The following ALG13 variants were observed in gnomAD, a reference collection of about 807,000 sequenced individuals.
The protein encoded by ALG13 is ALG13 UDP-N-acetylglucosaminyltransferase subunit, also known as UDP-N-acetylglucosamine transferase subunit ALG13.
A neutral mutation model predicts 87.8 loss-of-function variants in ALG13; 11 were observed. That is an observed-to-expected ratio of 0.13 (90% CI 0.08 to 0.21). The LOEUF (loss-of-function observed/expected upper bound fraction) is 0.21, where lower values mean the gene tolerates loss of function less well. Among genes scored for constraint, ALG13 ranks in the 10% least tolerant of loss-of-function variants. The pLI is 1.00. For missense variants in ALG13, 756 were observed against 866.1 expected (o/e 0.87, Z 1.60); for synonymous variants, 320 against 306.3 (o/e 1.04, Z -0.47).
chrX:111,681,790 C>A, intron 1 of ALG13: 3 of 835,981 alleles, frequency 3.6e-6, no homozygotes, highest in Non-Finnish European at 4.3e-6. Context: ...CAGCGCGCGT[C>A]GTCCCCTCAG....
chrX:111,729,474 G>A (rs751705506), intron 19 of ALG13, among the ~76,000 whole-genome samples: 6 of 111,311 alleles, frequency 5.4e-5, no homozygotes, highest in African/African-American at 1.3e-4. Flanking sequence ...AACTTTGTAC[G>A]TGTGTGCATG....
At chrX:111,752,162 A>G (rs1394788598) in intron 24 of ALG13, among the ~76,000 whole-genome samples, 1 of 112,061 alleles carries the variant, frequency 8.9e-6, no homozygotes, top group African/African-American at 3.2e-5. Context: ...TATTAAAGTA[A>G]AAATTCCATC....
chrX:111,727,000 C>G lies in ALG13; in HGVS notation c.1921C>G (p.His641Asp), dbSNP rs760283589. ...AGCTGGCAATGTTATGTCTAATGAA[C>G]ATTTTCATCCTCAGCATCCATCTCC... ...QTAGNVMSNEHFHPQHPSPRQ... is the reference protein window; with the variant it reads ...QTAGNVMSNEDFHPQHPSPRQ... Residue 641 changes from histidine (H) to aspartate (D), a missense_variant, in exon 16 of 27, where the codon CAT becomes GAT. Coordinates refer to ENST00000394780, the MANE Select transcript of ALG13 (RefSeq NM_001099922.3). 1.3e-5 allele frequency: 16 copies of G among 1,209,410 alleles called. No homozygotes were observed. Among genetic ancestry groups the G allele is most frequent in the Admixed American group, 2.2e-5 (1 of 45,760 alleles).
intron 3 of ALG13, among the ~76,000 whole-genome samples, chrX:111,703,601 A>G (rs1938269924): frequency 8.9e-6 from 1 of 112,007 alleles, no homozygotes; most frequent in South Asian, 3.7e-4. Context: ...TTTCAATGTC[A>G]TATAAATGCA....
At chrX:111,747,461 C>T (rs1218979816) in intron 24 of ALG13, among the ~76,000 whole-genome samples, 1 of 111,901 alleles carries the variant, frequency 8.9e-6, no homozygotes, top group Non-Finnish European at 1.9e-5. Flanking sequence ...TTACAGTTGC[C>T]CTAAACATCC....
chrX:111,737,066 T>G, intron 23 of ALG13, 187 bp downstream of exon 23: 1 of 375,630 alleles, frequency 2.7e-6, no homozygotes, highest in Non-Finnish European at 4.3e-6. Context: ...AGTTTATTCT[T>G]GAAAATTTCG....
At chrX:111,722,482 G>A (rs934554377) in intron 12 of ALG13, among the ~76,000 whole-genome samples, 8 of 112,021 alleles carry the variant, frequency 7.1e-5, no homozygotes, top group Admixed American at 3.8e-4. Flanking sequence ...AAAATAATAG[G>A]TTGATTTGAG....
chrX:111,683,527 C>T (rs1035591595), intron 2 of ALG13, among the ~76,000 whole-genome samples: 1 of 107,580 alleles, frequency 9.3e-6, no homozygotes, highest in Non-Finnish European at 1.9e-5. Context: ...TTAGTAGAGA[C>T]GGGGTTTCAC....
chrX:111,707,328 T>C (rs1938958910), intron 3 of ALG13, among the ~76,000 whole-genome samples: 1 of 112,600 alleles, frequency 8.9e-6, no homozygotes, highest in African/African-American at 3.2e-5. Flanking sequence ...AAACACACTT[T>C]TTTGCATTTT....
chrX:111,739,265 C>G (rs377520181), intron 23 of ALG13, among the ~76,000 whole-genome samples: 4 of 111,712 alleles, frequency 3.6e-5, no homozygotes, highest in East Asian at 2.8e-4. Flanking sequence ...AGAATTTACT[C>G]ACTATCACAA....
At position 111,744,768 on chromosome X, in the gene ALG13, A is replaced by ACCACCT. The variant is rs1569522034; in HGVS notation, c.2798_2799insACCTCC (p.Pro944_Pro945dup). Reference sequence around the variant, plus strand: ...CACCACCACCACCACCACCACCACCACCTCCTCCTCCTCCTCCTCCTCCTC... The same window carrying ACCACCT: ...CACCACCACCACCACCACCACCACCACCACCTCCTCCTCCTCCTCCTCCTCCTCCTC... On this transcript the variant is annotated inframe_insertion, in exon 24 of 27. Coordinates refer to ENST00000394780, the MANE Select transcript of ALG13 (RefSeq NM_001099922.3). 6.2e-4 allele frequency: 370 copies of ACCACCT among 593,371 alleles called. 1 individual carries two copies. The highest frequency in any genetic ancestry group is 8.9e-4 in the Admixed American group (17 of 19,004). 48.9% of individuals were successfully genotyped at this position (593,371 alleles called of 1,213,427 possible). A position where few individuals can be genotyped will look rare whatever the true frequency, so the allele number is the denominator to read the frequency against.
intron 3 of ALG13, chrX:111,686,100 G>T: frequency 1.0e-6 from 1 of 986,891 alleles, no homozygotes; most frequent in African/African-American, 2.0e-5. Context: ...CATCGTAATA[G>T]AAGGATGAAG....
intron 26 of ALG13, 99 bp downstream of exon 26, chrX:111,757,861 C>T (rs1328359097): frequency 1.2e-6 from 1 of 811,102 alleles, no homozygotes; most frequent in Non-Finnish European, 1.7e-6. Context: ...CCATGTACTA[C>T]ACCAGTGATT....
chrX:111,681,982 A>C (rs1056812218), intron 1 of ALG13, 150 bp from the exon 2 acceptor site: 2 of 869,534 alleles, frequency 2.3e-6, no homozygotes, highest in Non-Finnish European at 1.5e-6. Context: ...ACCAGAAAAT[A>C]GTTTTGAAAA....
In ALG13 at chrX:111,737,701, A is replaced by G. The variant is rs148516715; in HGVS notation, c.2695+822A>G. 5.3e-5 allele frequency among the ~76,000 whole-genome samples: 6 copies of G among 112,347 alleles called. No individual in the cohort carries two copies. In the East Asian group the frequency reaches 8.4e-4, roughly 16 times the overall value. ...TTGTCTTATGTACCTGAGAATTCCA[A>G]TGAATAAGAATTCACTGAAAAGTAG... is the stretch of plus-strand genomic sequence containing the variant. On this transcript the variant is annotated intron_variant, in intron 23 of 26. Transcript: ENST00000394780.
chrX:111,710,597 T>TA (rs1263406889), intron 5 of ALG13, among the ~76,000 whole-genome samples: 1 of 112,045 alleles, frequency 8.9e-6, no homozygotes, highest in Non-Finnish European at 1.9e-5. Flanking sequence ...CAAGGGTACT[T>TA]ACGGAAGTGA....
chrX:111,723,867 G>A lies in ALG13; in HGVS notation c.1570G>A (p.Val524Ile). ...GGAAGTTGGAAATGAGAACAATTCA[G>A]TAACAGTCTTCATTGAAGAATTGGC... Reference protein sequence around the residue: ...IQEVGNENNSVTVFIEELAEK... With the variant: ...IQEVGNENNSITVFIEELAEK... The change falls in exon 14 of 27, where the codon GTA becomes ATA. Residue 524 changes from valine (V) to isoleucine (I), a missense_variant. By Grantham distance (29) the Val-to-Ile change is conservative. Transcript: ENST00000394780. The A allele has an allele frequency of 8.5e-7, 1 of 1,173,200 alleles. No homozygotes were observed. The highest frequency in any genetic ancestry group is 1.1e-6 in the Non-Finnish European group (1 of 873,144).
intron 10 of ALG13, among the ~76,000 whole-genome samples, 156 bp downstream of exon 10, chrX:111,718,430 T>C (rs1395118517): frequency 3.6e-5 from 4 of 111,735 alleles, no homozygotes; most frequent in Non-Finnish European, 7.5e-5. Context: ...GGGAGAGTTT[T>C]ACCAAAGAGA....
intron 3 of ALG13, among the ~76,000 whole-genome samples, chrX:111,705,075 T>G (rs951091320): frequency 8.9e-6 from 1 of 111,874 alleles, no homozygotes; most frequent in Admixed American, 9.4e-5. Flanking sequence ...GGAATCATAT[T>G]CCTTTTGAAA....
Sources: allele counts gnomAD v4.1 joint callset (sites outside exome capture counted in the v4.1 genomes callset), GRCh38; gene constraint gnomAD v4.1.1; transcripts MANE v1.5; gene names NCBI Gene and HGNC (gene_info 2026-07-23, HGNC 2026-07-21).